The following HSD17B12 variants were observed in gnomAD, a reference collection of about 807,000 sequenced individuals.
The protein encoded by HSD17B12 is hydroxysteroid 17-beta dehydrogenase 12.
HSD17B12 carries 32 observed loss-of-function variants against 39.3 expected under a neutral mutation model. The observed-to-expected ratio is 0.81, with a 90% confidence interval of 0.61 to 1.09. HSD17B12 has a LOEUF of 1.09. Among genes scored for constraint, HSD17B12 ranks in the 50% least tolerant of loss-of-function variants. The pLI, the probability that HSD17B12 is intolerant of heterozygous loss-of-function variation, is 0.00. For missense variants in HSD17B12, 342 were observed against 382.9 expected (o/e 0.89, Z 0.89); for synonymous variants, 150 against 146.7 (o/e 1.02, Z -0.16).
intron 1 of HSD17B12, among the ~76,000 whole-genome samples, chr11:43,700,211 AT>A (rs1258535469): frequency 1.3e-5 from 2 of 151,876 alleles, no homozygotes; most frequent in East Asian, 3.9e-4. Context: ...ATTTATATAT[AT>A]TTTTTTAATT....
intron 1 of HSD17B12, among the ~76,000 whole-genome samples, chr11:43,726,595 T>C (rs1390968921): frequency 6.6e-6 from 1 of 152,192 alleles, no homozygotes. Flanking sequence ...AATCCTTTTC[T>C]CATAGGGAGA....
the HSD17B12 span, among the ~76,000 whole-genome samples, chr11:43,605,051 T>C: frequency 6.6e-6 from 1 of 152,158 alleles, no homozygotes; most frequent in Admixed American, 6.5e-5. Context: ...GCAAGAGTAA[T>C]ACTTGGCCAG....
chr11:43,835,005 A>G (rs1163113719), intron 7 of HSD17B12, among the ~76,000 whole-genome samples: 1 of 152,176 alleles, frequency 6.6e-6, no homozygotes, highest in Non-Finnish European at 1.5e-5. Context: ...TACAGAAAAC[A>G]TTGCTTGACT....
the HSD17B12 span, among the ~76,000 whole-genome samples, chr11:43,663,943 A>G: frequency 1.3e-5 from 2 of 151,446 alleles, no homozygotes; most frequent in Non-Finnish European, 2.9e-5. Context: ...GCTCACTGCA[A>G]CCTCTGCCTC....
Position 43,833,698 on chromosome 11 carries a change from G to C in HSD17B12, c.536+2688G>C, listed in dbSNP as rs373102237. The C allele has an allele frequency of 5.3e-5, 8 of 152,300 alleles. No homozygotes were observed. In the East Asian group the frequency reaches 7.7e-4, roughly 15 times the overall value. The allele number at this position is 152,300 out of a possible 1,614,324, so 9.4% of individuals were successfully genotyped here. A position where few individuals can be genotyped will look rare whatever the true frequency, so the allele number is the denominator to read the frequency against. On this transcript the variant is annotated intron_variant, in intron 7 of 10. Transcript: ENST00000278353. ...CCTATGGCTGGTTTCCATAGCATTA[G>C]TATCTCCATTGAGTAACAGCAGAGT... is the stretch of plus-strand genomic sequence containing the variant.
chr11:43,645,095 C>G, the HSD17B12 span: 1 of 152,198 alleles, frequency 6.6e-6, no homozygotes. Context: ...ACTCTTGGCT[C>G]AGAGTTTCTC....
At chr11:43,748,845 A>G (rs1356038328) in intron 1 of HSD17B12, among the ~76,000 whole-genome samples, 1 of 152,206 alleles carries the variant, frequency 6.6e-6, no homozygotes, top group African/African-American at 2.4e-5. Flanking sequence ...AAAAAATTCA[A>G]ACATTTATCT....
chr11:43,722,383 G>T (rs1447356066), intron 1 of HSD17B12, among the ~76,000 whole-genome samples: 3 of 152,140 alleles, frequency 2.0e-5, no homozygotes, highest in Non-Finnish European at 4.4e-5. Context: ...TATATTGGAG[G>T]ATGTATTTAT....
Position 43,712,264 on chromosome 11 carries a change from T to A in HSD17B12, c.160+31277T>A, listed in dbSNP as rs1184223590. On this transcript the variant is annotated intron_variant, in intron 1 of 10. Coordinates refer to ENST00000278353, the MANE Select transcript of HSD17B12 (RefSeq NM_016142.3). ...CAACATGGTGAAACCCCGTCTCTAC[T>A]AAAAATACAAAAATTAGCTGGGCAT... 1.2e-4 allele frequency among the ~76,000 whole-genome samples: 18 copies of A among 151,928 alleles called. No individual in the cohort carries two copies. The South Asian group carries it at 3.1e-3, about 26-fold the overall frequency.
At chr11:43,558,638 A>G in the HSD17B12 span, among the ~76,000 whole-genome samples, 10 of 152,186 alleles carry the variant, frequency 6.6e-5, no homozygotes, top group African/African-American at 2.4e-4. Context: ...TCTGGTTCAG[A>G]TGAGCCTGGA....
chr11:43,806,125 C>G (rs748500928), intron 4 of HSD17B12: 1 of 152,152 alleles, frequency 6.6e-6, no homozygotes, highest in Non-Finnish European at 1.5e-5. Context: ...CAAGGAAGCT[C>G]TACCGGGCTT....
At chr11:43,688,097 C>T (rs748241495) in intron 1 of HSD17B12, among the ~76,000 whole-genome samples, 33 of 151,936 alleles carry the variant, frequency 2.2e-4, no homozygotes, top group Non-Finnish European at 3.2e-4. Context: ...CTGTAGTCCC[C>T]GCTACTCGGG....
At chr11:43,839,100 A>G (rs1951398912) in intron 8 of HSD17B12, among the ~76,000 whole-genome samples, 1 of 152,134 alleles carries the variant, frequency 6.6e-6, no homozygotes, top group Non-Finnish European at 1.5e-5. Context: ...GAAAATGATC[A>G]CTTAGATGTT....
rs191008089 is a variant in HSD17B12 at position 43,709,949 on chromosome 11, C to G, written c.160+28962C>G. Among the ~76,000 whole-genome samples the G allele has an allele frequency of 7.7e-4, 117 of 152,248 alleles. 3 individuals are homozygous for G. The East Asian group carries it at 0.019, about 25-fold the overall frequency. ...AACATGGGCTGGTATGTGTGCAACT[C>G]TGGGCTGGGGAATGGAGCCAGGTTT... On this transcript the variant is annotated intron_variant, in intron 1 of 10. Coordinates refer to ENST00000278353, the MANE Select transcript of HSD17B12 (RefSeq NM_016142.3).
intron 4 of HSD17B12, among the ~76,000 whole-genome samples, chr11:43,815,093 A>G (rs189979864): frequency 9.8e-5 from 15 of 152,316 alleles, no homozygotes; most frequent in Admixed American, 9.8e-4. Context: ...CTGCACTATG[A>G]AAATTTAAGG....
At chr11:43,720,938 G>A (rs1343206162) in intron 1 of HSD17B12, among the ~76,000 whole-genome samples, 1 of 152,054 alleles carries the variant, frequency 6.6e-6, no homozygotes, top group Admixed American at 6.6e-5. Context: ...ATAGTAAGCT[G>A]TTTTTGTGTT....
chr11:43,774,657 G>A (rs1299700058), intron 3 of HSD17B12, among the ~76,000 whole-genome samples: 2 of 152,106 alleles, frequency 1.3e-5, no homozygotes, highest in Admixed American at 1.3e-4. Flanking sequence ...TCTTCGAAGA[G>A]GTTTATAGAA....
chr11:43,650,806 C>T, the HSD17B12 span, among the ~76,000 whole-genome samples: 1 of 152,170 alleles, frequency 6.6e-6, no homozygotes, highest in Admixed American at 6.5e-5. Flanking sequence ...TACCTGTGGC[C>T]AACTGCAGTT....
chr11:43,619,247 T>TATATATATATGATATATATATATATA, the HSD17B12 span, among the ~76,000 whole-genome samples: 10 of 50,254 alleles, frequency 2.0e-4, no homozygotes, highest in East Asian at 6.4e-3. Context: ...ATATATAAAA[T>TATATATATATGATATATATATATATA]ATATATATAT....
Sources: gnomAD v4.1 joint callset for allele counts (sites outside exome capture counted in the v4.1 genomes callset) on GRCh38, gnomAD v4.1.1 for gene constraint, MANE v1.5 for transcripts, NCBI Gene and HGNC (gene_info 2026-07-23, HGNC 2026-07-21) for gene names.